Variants in ST6GALNAC3 observed in about 807,000 individuals in gnomAD.
ST6GALNAC3 encodes alpha-N-acetylgalactosaminide alpha-2,6-sialyltransferase 3.
Under a neutral mutation model 32.7 loss-of-function variants are expected in ST6GALNAC3, and 25 were observed. The ratio of observed to expected loss-of-function variants is 0.76; its 90% CI spans 0.56 to 1.07. ST6GALNAC3 has a LOEUF of 1.07. ST6GALNAC3 is among the 50% of genes least tolerant of loss of function. The pLI, the probability that ST6GALNAC3 is intolerant of heterozygous loss-of-function variation, is 0.00. For missense variants in ST6GALNAC3, 355 were observed against 382.4 expected, an observed-to-expected ratio of 0.93 and a Z score of 0.60; for synonymous variants, 129 against 133.1, an observed-to-expected ratio of 0.97 and a Z score of 0.21.
intron 1 of ST6GALNAC3, among the ~76,000 whole-genome samples, chr1:76,223,330 T>C (rs1655885688): frequency 1.3e-5 from 2 of 152,158 alleles, no homozygotes; most frequent in Admixed American, 1.3e-4. Flanking sequence ...CTCTTATAAG[T>C]GGGAGCTAAA....
intron 1 of ST6GALNAC3, among the ~76,000 whole-genome samples, chr1:76,146,520 C>T (rs1167777838): frequency 6.6e-6 from 1 of 152,086 alleles, no homozygotes; most frequent in African/African-American, 2.4e-5. Context: ...TTCTTTTCTC[C>T]CTCACACTCC....
At chr1:76,416,945 T>G (rs1206539575) in intron 3 of ST6GALNAC3, among the ~76,000 whole-genome samples, 1 of 152,094 alleles carries the variant, frequency 6.6e-6, no homozygotes, top group East Asian at 1.9e-4. Flanking sequence ...TTTTTTTTCT[T>G]AAGGAATTCC....
chr1:76,376,354 A>T (rs529915645), intron 2 of ST6GALNAC3, among the ~76,000 whole-genome samples: 2 of 152,260 alleles, frequency 1.3e-5, no homozygotes, highest in Non-Finnish European at 2.9e-5. Context: ...ATGCTATATA[A>T]TTTTATCACA....
At chr1:76,585,553 T>A (rs1188185809) in intron 3 of ST6GALNAC3, among the ~76,000 whole-genome samples, 2 of 152,012 alleles carry the variant, frequency 1.3e-5, no homozygotes, top group African/African-American at 4.8e-5. Context: ...TTGGACACAC[T>A]GGGTGGAAGG....
intron 3 of ST6GALNAC3, among the ~76,000 whole-genome samples, chr1:76,483,294 C>T (rs1659862003): frequency 6.6e-6 from 1 of 152,170 alleles, no homozygotes; most frequent in Non-Finnish European, 1.5e-5. Flanking sequence ...CCTGAAGAAT[C>T]GCCATACTGT....
rs577777808 is a variant in ST6GALNAC3 at position 76,113,581 on chromosome 1, A to T, written c.18+38697A>T. Among the ~76,000 whole-genome samples the T allele has an allele frequency of 4.7e-5, 7 of 148,602 alleles. No individual in the cohort carries two copies. The East Asian group carries it at 1.4e-3, about 30-fold the overall frequency. On this transcript the variant is annotated intron_variant, in intron 1 of 4. Transcript: ENST00000328299. ...GTGTGAATGTTCTTATGTACTGTTG[A>T]TTGTACCTCTAAGATGATGTAATGA...
At chr1:76,559,597 G>A (rs984399128) in intron 3 of ST6GALNAC3, among the ~76,000 whole-genome samples, 13 of 152,108 alleles carry the variant, frequency 8.5e-5, no homozygotes, top group Non-Finnish European at 1.6e-4. Flanking sequence ...ACTTGGGGTG[G>A]AGCAAGGTGG....
chr1:76,288,764 A>G (rs971472637), intron 1 of ST6GALNAC3, among the ~76,000 whole-genome samples: 2 of 152,124 alleles, frequency 1.3e-5, no homozygotes, highest in Non-Finnish European at 2.9e-5. Context: ...TGTGAGCAGG[A>G]CTCTGTGAAT....
At chr1:76,239,952 ACAATGCTTTAG>A (rs1468882767) in intron 1 of ST6GALNAC3, among the ~76,000 whole-genome samples, 1 of 152,184 alleles carries the variant, frequency 6.6e-6, no homozygotes, top group Non-Finnish European at 1.5e-5. Context: ...CCTCCCAGGC[ACAATGCTTTAG>A]CCTCTTTTGC....
chr1:76,544,779 T>C (rs1406081528), intron 3 of ST6GALNAC3, among the ~76,000 whole-genome samples: 1 of 152,198 alleles, frequency 6.6e-6, no homozygotes, highest in African/African-American at 2.4e-5. Flanking sequence ...AGCGTATCGA[T>C]GGTATTTAAA....
intron 1 of ST6GALNAC3, among the ~76,000 whole-genome samples, chr1:76,084,004 T>A (rs1028346854): frequency 1.1e-4 from 17 of 152,240 alleles, no homozygotes; most frequent in African/African-American, 4.1e-4. Context: ...AATGAAATTT[T>A]AAAAATGTGG....
At chr1:76,503,147 TAACTG>T (rs1557498452) in intron 3 of ST6GALNAC3, among the ~76,000 whole-genome samples, 3 of 152,152 alleles carry the variant, frequency 2.0e-5, no homozygotes, top group Non-Finnish European at 4.4e-5. Flanking sequence ...GCAGAGAGGA[TAACTG>T]GCTGGCCAGC....
At chr1:76,538,092 G>A (rs315074) in intron 3 of ST6GALNAC3, among the ~76,000 whole-genome samples, 27,723 of 151,974 alleles carry the variant, frequency 0.18, 4,109 homozygotes, top group African/African-American at 0.41. Context: ...GCCAATATCC[G>A]TGATGAACAT....
intron 3 of ST6GALNAC3, among the ~76,000 whole-genome samples, chr1:76,416,034 A>AACACACAC (rs60710007): frequency 0.07 from 10,160 of 144,286 alleles, 401 homozygotes; most frequent in Middle Eastern, 0.18. Flanking sequence ...TTTATTCCAC[A>AACACACAC]ACACACACAC....
At chr1:76,261,539 C>A (rs1301905046) in intron 1 of ST6GALNAC3, among the ~76,000 whole-genome samples, 2 of 152,242 alleles carry the variant, frequency 1.3e-5, no homozygotes, top group Admixed American at 1.3e-4. Flanking sequence ...CCACGTGCCT[C>A]TGCACAAGCC....
intron 1 of ST6GALNAC3, among the ~76,000 whole-genome samples, chr1:76,238,520 G>A (rs922868567): frequency 1.3e-5 from 2 of 152,130 alleles, no homozygotes; most frequent in African/African-American, 2.4e-5. Flanking sequence ...TGGACATTCC[G>A]AGACATACTG....
intron 1 of ST6GALNAC3, among the ~76,000 whole-genome samples, chr1:76,293,350 G>C (rs1173767795): frequency 6.6e-6 from 1 of 152,148 alleles, no homozygotes; most frequent in Non-Finnish European, 1.5e-5. Context: ...TGTCATCAGG[G>C]TCCTCATCTC....
intron 1 of ST6GALNAC3, among the ~76,000 whole-genome samples, chr1:76,200,742 TA>T (rs1389531587): frequency 1.3e-5 from 2 of 152,202 alleles, no homozygotes; most frequent in Non-Finnish European, 2.9e-5. Context: ...AATAGACTCT[TA>T]AAACAAAGGA....
chr1:76,614,147 TCG>T (rs1200819949), intron 3 of ST6GALNAC3, among the ~76,000 whole-genome samples: 1 of 152,238 alleles, frequency 6.6e-6, no homozygotes, highest in Non-Finnish European at 1.5e-5. Context: ...ATAGTTGACT[TCG>T]ATAGATGGGG....
Sources: gnomAD v4.1 joint callset for allele counts (sites outside exome capture counted in the v4.1 genomes callset) on GRCh38, gnomAD v4.1.1 for gene constraint, MANE v1.5 for transcripts, NCBI Gene and HGNC (gene_info 2026-07-23, HGNC 2026-07-21) for gene names.